GCFC2: variants seen among roughly 807,000 people sequenced by gnomAD.
GCFC2 encodes the protein intron Large complex component GCFC2.
A neutral mutation model predicts 99.4 loss-of-function variants in GCFC2; 102 were observed. That is an observed-to-expected ratio of 1.03 (90% confidence interval 0.87 to 1.21). The LOEUF is 1.21. GCFC2 is among the 50% of genes most tolerant of loss of function. GCFC2 has a pLI of 0.00. For synonymous variants in GCFC2, 338 were observed against 316.8 expected (o/e 1.07, Z -0.71); for missense variants, 973 against 920.9 (o/e 1.06, Z -0.73).
intron 12 of GCFC2, among the ~76,000 whole-genome samples, chr2:75,678,015 A>C (rs573480392): frequency 6.6e-6 from 1 of 151,960 alleles, no homozygotes; most frequent in South Asian, 2.1e-4. Flanking sequence ...AATCCATAAT[A>C]CTGCTGAAGG....
intron 8 of GCFC2, 81 bp from the exon 9 acceptor site, chr2:75,690,162 C>T: frequency 1.3e-6 from 1 of 749,232 alleles, no homozygotes; most frequent in Non-Finnish European, 2.3e-6. Context: ...TTTTTAACCT[C>T]TTGCTGAAAA....
chr2:75,669,202 G>A (rs1678977248), intron 15 of GCFC2, among the ~76,000 whole-genome samples: 1 of 152,086 alleles, frequency 6.6e-6, no homozygotes, highest in South Asian at 2.1e-4. Flanking sequence ...AAATTGTAAA[G>A]AGCTTTTTTA....
chr2:75,677,861 C>T (rs1679415910), intron 12 of GCFC2, among the ~76,000 whole-genome samples: 1 of 152,008 alleles, frequency 6.6e-6, no homozygotes, highest in Admixed American at 6.6e-5. Context: ...GCCTGTAGTC[C>T]CAGCTACTCG....
chr2:75,683,499 T>C (rs1679668407), intron 11 of GCFC2, among the ~76,000 whole-genome samples: 1 of 149,274 alleles, frequency 6.7e-6, no homozygotes, highest in Non-Finnish European at 1.5e-5. Flanking sequence ...CATACCGAAT[T>C]GTAAAGACCA....
rs1272468451 is a variant in GCFC2, at chr2:75,708,158, A to T, written c.266-1507T>A. On this transcript the variant is annotated intron_variant, in intron 1 of 16. Coordinates refer to ENST00000321027, the MANE Select transcript of GCFC2 (RefSeq NM_003203.5). ...TTATTCAGACATGGCTATCTGACAA[A>T]CATTTTCTCAAAACATGAGCCCGGT... Among the ~76,000 whole-genome samples, 3 of 152,204 alleles carry T rather than the reference A, an allele frequency of 2.0e-5. No homozygotes were observed. The East Asian group carries it at 5.8e-4, about 29-fold the overall frequency.
At chr2:75,701,417 TG>T (rs1680586959) in intron 3 of GCFC2, 130 bp from the exon 4 acceptor site, 1 of 614,748 alleles carries the variant, frequency 1.6e-6, no homozygotes. Flanking sequence ...ATAATAATTC[TG>T]GGAAGAAGGC....
chr2:75,705,060 CT>C (rs1264189251), intron 2 of GCFC2, among the ~76,000 whole-genome samples: 1 of 152,218 alleles, frequency 6.6e-6, no homozygotes, highest in Non-Finnish European at 1.5e-5. Context: ...ATTTCTCAGT[CT>C]CGCTATAGCC....
chr2:75,701,613 G>T (rs1183548025), intron 3 of GCFC2, among the ~76,000 whole-genome samples: 1 of 152,126 alleles, frequency 6.6e-6, no homozygotes, highest in Non-Finnish European at 1.5e-5. Context: ...GAGAAAGAAT[G>T]AAATGTTTGG....
intron 10 of GCFC2, among the ~76,000 whole-genome samples, chr2:75,688,263 G>A (rs1212534796): frequency 1.3e-5 from 2 of 152,054 alleles, no homozygotes; most frequent in African/African-American, 4.8e-5. Flanking sequence ...CCTACCACAT[G>A]GCAAGTACTC....
chr2:75,698,380 ATTC>A (rs1680425985), intron 4 of GCFC2, among the ~76,000 whole-genome samples: 3 of 152,216 alleles, frequency 2.0e-5, no homozygotes, highest in African/African-American at 7.2e-5. Context: ...ATATTCACTG[ATTC>A]TTATTTGTTA....
intron 4 of GCFC2, among the ~76,000 whole-genome samples, chr2:75,699,230 AAG>A (rs1680467028): frequency 6.6e-6 from 1 of 152,222 alleles, no homozygotes; most frequent in African/African-American, 2.4e-5. Flanking sequence ...TATTTAAAAA[AAG>A]ATAAAAATGT....
chr2:75,701,170 A>G lies in GCFC2; in HGVS notation c.717+20T>C, dbSNP rs755599807. 1.5e-4 allele frequency: 180 copies of G among 1,235,564 alleles called. No individual in the cohort carries two copies. The highest frequency in any genetic ancestry group is 2.1e-4 in the Non-Finnish European group (172 of 836,830). 76.5% of individuals were successfully genotyped at this position (1,235,564 alleles called of 1,614,324 possible). A position where few individuals can be genotyped will look rare whatever the true frequency, so the allele number is the denominator to read the frequency against. ...TAGCAGCCACAGGAATCTAATACACATGGGATAAAAAATGATTACCTCTAT... is the reference window on the plus strand; with the variant it reads ...TAGCAGCCACAGGAATCTAATACACGTGGGATAAAAAATGATTACCTCTAT... On this transcript the variant is annotated intron_variant, in intron 4 of 16. Transcript: ENST00000321027.
At chr2:75,667,485 AG>A (rs1678897364) in intron 15 of GCFC2, among the ~76,000 whole-genome samples, 1 of 152,248 alleles carries the variant, frequency 6.6e-6, no homozygotes, top group Admixed American at 6.5e-5. Flanking sequence ...AACATGGTTG[AG>A]GAAAAAGAAT....
At position 75,669,794 on chromosome 2, in the gene GCFC2, G is replaced by A. The variant is rs77734846; in HGVS notation, c.2103+344C>T. 5.3e-3 allele frequency among the ~76,000 whole-genome samples: 806 copies of A among 151,982 alleles called. 5 individuals are homozygous for A. Among genetic ancestry groups the A allele is most frequent in the African/African-American group, 0.018 (742 of 41,432 alleles). On this transcript the variant is annotated intron_variant, in intron 15 of 16. Transcript: ENST00000321027. The stretch of plus-strand genomic sequence containing the variant: ...GTCACCCAGGCTGGAGTGCAATGGC[G>A]GCTCACTGCAACGTCTGCCTCCTGG...
chr2:75,703,063 A>G (rs1025099417), intron 2 of GCFC2, among the ~76,000 whole-genome samples: 2 of 152,222 alleles, frequency 1.3e-5, no homozygotes, highest in African/African-American at 4.8e-5. Context: ...ATTTTAAATG[A>G]CAACAACTCT....
intron 2 of GCFC2, among the ~76,000 whole-genome samples, chr2:75,705,267 G>T (rs1289004399): frequency 2.0e-5 from 3 of 152,080 alleles, no homozygotes; most frequent in Non-Finnish European, 4.4e-5. Context: ...TTGTGGACAT[G>T]GAGAAGAAAC....
chr2:75,679,435 T>C (rs1553433552), intron 12 of GCFC2, among the ~76,000 whole-genome samples: 1 of 150,786 alleles, frequency 6.6e-6, no homozygotes, highest in African/African-American at 2.4e-5. Flanking sequence ...CAACAAACAA[T>C]AAAAAAAAAT....
At position 75,710,753 on chromosome 2, in the gene GCFC2, G is replaced by A. The variant is rs780569741; in HGVS notation, c.103C>T (p.Leu35Phe). The A allele has an allele frequency of 3.2e-6, 5 of 1,566,804 alleles. No individual in the cohort carries two copies. Among genetic ancestry groups the A allele is most frequent in the Non-Finnish European group, 4.3e-6 (5 of 1,160,584 alleles). Residue 35 changes from leucine (L) to phenylalanine (F), a missense_variant, in exon 1 of 17, where the codon CTT (leucine) becomes TTT (phenylalanine). By Grantham distance (22) the Leu-to-Phe change is conservative (BLOSUM62 0). Coordinates refer to ENST00000321027, the MANE Select transcript of GCFC2 (RefSeq NM_003203.5). ...TCCTCCGCAGAACCCGGGACCGGAA[G>A]TTCCCTCGGCGCCCCAGGCTCAGCA... Reference protein sequence around the residue: ...SPAEPGAPRELPVPGSAEEEP... With the variant: ...SPAEPGAPREFPVPGSAEEEP...
Position 75,680,267 on chromosome 2 carries a change from T to C in GCFC2, c.1738A>G (p.Ser580Gly). 1 of 1,607,560 alleles carries C rather than the reference T, an allele frequency of 6.2e-7. No individual in the cohort carries two copies. Among genetic ancestry groups the C allele is most frequent in the Non-Finnish European group, 8.5e-7 (1 of 1,174,286 alleles). Residue 580 changes from serine (S) to glycine (G), a missense_variant, in exon 12 of 17, where the codon AGT becomes GGT. Ser to Gly is a moderately conservative substitution (Grantham distance 56). Coordinates refer to ENST00000321027, the MANE Select transcript of GCFC2 (RefSeq NM_003203.5). Reference sequence around the variant, plus strand: ...ATCACTCTGCAATGTGTTATTAAACTTGTTGTCTGTGAGGTTGACAAAGGA... The same window carrying C: ...ATCACTCTGCAATGTGTTATTAAACCTGTTGTCTGTGAGGTTGACAAAGGA... ...WDPLSTSQTT[S>G]LITHCRVILE...
Sources: allele counts gnomAD v4.1 joint callset (sites outside exome capture counted in the v4.1 genomes callset), GRCh38; gene constraint gnomAD v4.1.1; transcripts MANE v1.5; gene names NCBI Gene and HGNC (gene_info 2026-07-23, HGNC 2026-07-21).